Variants in TPMT observed in about 807,000 individuals in gnomAD.
TPMT encodes thiopurine S-methyltransferase.
A neutral mutation model predicts 34.2 loss-of-function variants in TPMT; 18 were observed. That is an observed-to-expected ratio of 0.53 (90% CI 0.36 to 0.78). TPMT has a LOEUF of 0.78. TPMT is among the 30% of genes least tolerant of loss of function. The probability of loss-of-function intolerance (pLI) is 0.00; values close to 1 mark genes in which losing one functional copy is unlikely to be tolerated. For synonymous variants in TPMT, 69 were observed against 92.4 expected (o/e 0.75, Z 1.45); for missense variants, 265 against 288.1 (o/e 0.92, Z 0.58).
rs932737681 is a variant in TPMT at position 18,140,933 on chromosome 6, G to C, written c.367-1216C>G. ...ATTCTGAAATGAGGTCCCCACACAG[G>C]TTTACAAGTAGAGGAGGAAGGGTCT... is the stretch of plus-strand genomic sequence containing the variant. On this transcript the variant is annotated intron_variant, in intron 4 of 8. Transcript: ENST00000309983. The surrounding 1 kb of genome is among the most constrained non-coding windows in gnomAD (Gnocchi z 4.7). 6.6e-6 allele frequency among the ~76,000 whole-genome samples: 1 copy of C among 152,090 alleles called. No homozygotes were observed. Among genetic ancestry groups the C allele is most frequent in the Non-Finnish European group, 1.5e-5 (1 of 68,030 alleles).
chr6:18,139,107 A>G lies in TPMT; in HGVS notation c.420-70T>C. The G allele has an allele frequency of 1.5e-6, 2 of 1,299,506 alleles. No homozygotes were observed. Among genetic ancestry groups the G allele is most frequent in the South Asian group, 2.4e-5 (2 of 84,960 alleles). The allele number at this position is 1,299,506 out of a possible 1,614,324, so 80.5% of individuals were successfully genotyped here. ...TTTAAGAAGATGAGCAGCGTCCCCC[A>G]TGGTGCATGCTGGTACTTCAACAAT... On this transcript the variant is annotated intron_variant, in intron 5 of 8. Transcript: ENST00000309983. The surrounding 1 kb of genome is among the most constrained non-coding windows in gnomAD (Gnocchi z 4.2).
chr6:18,129,715 AAACTT>A lies in TPMT; in HGVS notation c.*948_*952del, dbSNP rs1343275084. 1.3e-5 allele frequency: 2 copies of A among 152,234 alleles called. No individual in the cohort carries two copies. Among genetic ancestry groups the A allele is most frequent in the African/African-American group, 2.4e-5 (1 of 41,458 alleles). 9.4% of individuals were successfully genotyped at this position (152,234 alleles called of 1,614,324 possible). A position where few individuals can be genotyped will look rare whatever the true frequency, so the allele number is the denominator to read the frequency against. ...AAACAACAATTGCCAAACTCAGAGAAAACTTAAAGAAAAATTTATTCTTAGAATTT... is the reference window on the plus strand; with the variant it reads ...AAACAACAATTGCCAAACTCAGAGAAAAAGAAAAATTTATTCTTAGAATTT... On this transcript the variant is annotated 3_prime_UTR_variant, in exon 9 of 9. Coordinates refer to ENST00000309983, the MANE Select transcript of TPMT (RefSeq NM_000367.5).
In TPMT at chr6:18,143,786, T is replaced by C. The variant is rs1287898329; in HGVS notation, c.234-58A>G. 4.4e-6 allele frequency: 7 copies of C among 1,596,844 alleles called. No individual in the cohort carries two copies. Among genetic ancestry groups the C allele is most frequent in the Admixed American group, 1.7e-5 (1 of 59,262 alleles). ...TGTTTTCAAATGACTAAATAGAGGGTTATATTAGAGTAAGCATATATTTTC... is the reference window on the plus strand; with the variant it reads ...TGTTTTCAAATGACTAAATAGAGGGCTATATTAGAGTAAGCATATATTTTC... On this transcript the variant is annotated intron_variant, in intron 3 of 8. Coordinates refer to ENST00000309983, the MANE Select transcript of TPMT (RefSeq NM_000367.5). The surrounding 1 kb of genome is among the most constrained non-coding windows in gnomAD (Gnocchi z 6.1).
At position 18,148,043 on chromosome 6, in the gene TPMT, T is replaced by G. The variant is rs896469914; in HGVS notation, c.141-128A>C. On this transcript the variant is annotated intron_variant, in intron 2 of 8. Transcript: ENST00000309983. This position sits in a 1 kb window ranked among gnomAD's most constrained non-coding sequence, Gnocchi z 4.1. ...ACTATTAATTATTATAATCTCCAGC[T>G]TACATATGAAGAAACAGGTAACTTG... 2.7e-6 allele frequency: 2 copies of G among 744,314 alleles called. No individual in the cohort carries two copies. Among genetic ancestry groups the G allele is most frequent in the African/African-American group, 3.6e-5 (2 of 56,260 alleles). 46.1% of individuals were successfully genotyped at this position (744,314 alleles called of 1,614,324 possible).
intron 1 of TPMT, among the ~76,000 whole-genome samples, chr6:18,151,440 C>T (rs1470089981): frequency 6.6e-6 from 1 of 151,262 alleles, no homozygotes; most frequent in Non-Finnish European, 1.5e-5. Flanking sequence ...TGCACTCCAG[C>T]CTGGGCTACA....
rs1414423860 is a variant in TPMT, at chr6:18,132,277, G to C, written c.581-100C>G. The C allele has an allele frequency of 5.2e-6, 6 of 1,144,996 alleles. No homozygotes were observed. The highest frequency in any genetic ancestry group is 1.5e-5 in the African/African-American group (1 of 65,172). 70.9% of individuals were successfully genotyped at this position (1,144,996 alleles called of 1,614,324 possible). A position where few individuals can be genotyped will look rare whatever the true frequency, so the allele number is the denominator to read the frequency against. On this transcript the variant is annotated intron_variant, in intron 7 of 8. Transcript: ENST00000309983. This position sits in a 1 kb window ranked among gnomAD's most constrained non-coding sequence, Gnocchi z 4.8. ...ATCCAAATAGGTGATGATGTGGCAT[G>C]TTCTTCTCATTCTTCTTTTGCAAAT...
In TPMT at chr6:18,139,187, C is replaced by A; in HGVS notation, c.420-150G>T. The A allele has an allele frequency of 1.3e-6, 1 of 766,072 alleles. No homozygotes were observed. 47.5% of individuals were successfully genotyped at this position (766,072 alleles called of 1,614,324 possible). A position where few individuals can be genotyped will look rare whatever the true frequency, so the allele number is the denominator to read the frequency against. On this transcript the variant is annotated intron_variant, in intron 5 of 8. Coordinates refer to ENST00000309983, the MANE Select transcript of TPMT (RefSeq NM_000367.5). This position sits in a 1 kb window ranked among gnomAD's most constrained non-coding sequence, Gnocchi z 4.2. ...TTTCCTCCTAGAGGAATGTGTGGAC[C>A]TGGGTGTGGAGAGCTGTCCATCCCC... is the stretch of plus-strand genomic sequence containing the variant.
chr6:18,152,591 CT>C (rs572086653), intron 1 of TPMT, among the ~76,000 whole-genome samples: 305 of 128,630 alleles, frequency 2.4e-3, no homozygotes, highest in Admixed American at 2.7e-3. Context: ...TTCTTTCTTT[CT>C]TTTTTTTTTT....
rs1235431245 is a variant in TPMT at position 18,143,712 on chromosome 6, G to C, written c.250C>G (p.His84Asp). Residue 84 changes from histidine (H) to aspartate (D), a missense_variant, in exon 4 of 9, where the codon CAC (histidine) becomes GAC (aspartate). Transcript: ENST00000309983. This position sits in a 1 kb window ranked among gnomAD's most constrained non-coding sequence, Gnocchi z 6.1. Reference protein sequence around the residue: ...VEMKWFADRGHSVVGVEISEL... With the variant: ...VEMKWFADRGDSVVGVEISEL... The stretch of plus-strand genomic sequence containing the variant: ...CTGATTTCCACACCAACTACACTGT[G>C]TCCCCGGTCTGCAAACCTGCATAAA... 6.2e-7 allele frequency: 1 copy of C among 1,613,990 alleles called. No homozygotes were observed. Among genetic ancestry groups the C allele is most frequent in the Admixed American group, 1.7e-5 (1 of 60,002 alleles).
rs1189160730 is a variant in TPMT, at chr6:18,153,554, G to A, written c.-45+1479C>T. On this transcript the variant is annotated intron_variant, in intron 1 of 8. Coordinates refer to ENST00000309983, the MANE Select transcript of TPMT (RefSeq NM_000367.5). The surrounding 1 kb of genome is among the most constrained non-coding windows in gnomAD (Gnocchi z 4.2). ...TTGTTGCCAAATTTGGCCTCAGTAT[G>A]CTTAGGATATAGGGAGGAGGCATTT... 6.6e-6 allele frequency among the ~76,000 whole-genome samples: 1 copy of A among 152,170 alleles called. No individual in the cohort carries two copies. Among genetic ancestry groups the A allele is most frequent in the Non-Finnish European group, 1.5e-5 (1 of 68,036 alleles).
intron 3 of TPMT, among the ~76,000 whole-genome samples, chr6:18,144,889 T>A (rs984917445): frequency 1.3e-5 from 2 of 150,766 alleles, no homozygotes; most frequent in East Asian, 3.9e-4. Flanking sequence ...CCCGGCTAAT[T>A]TTTGTATTTT....
rs1395009204 is a variant in TPMT, at chr6:18,135,012, CT to C, written c.495-1124del. On this transcript the variant is annotated intron_variant, in intron 6 of 8. Transcript: ENST00000309983. This position sits in a 1 kb window ranked among gnomAD's most constrained non-coding sequence, Gnocchi z 5.0. ...CAGAAGTTGGGGAGGCAAGTGCAGA[CT>C]CTATGAGATGCCCAGGCTCAAACCC... 6.6e-6 allele frequency among the ~76,000 whole-genome samples: 1 copy of C among 152,154 alleles called. No individual in the cohort carries two copies. The highest frequency in any genetic ancestry group is 2.1e-4 in the South Asian group (1 of 4,826).
Position 18,129,729 on chromosome 6 carries a change from A to C in TPMT, c.*939T>G, listed in dbSNP as rs1265283210. 1 of 152,188 alleles carries C rather than the reference A, an allele frequency of 6.6e-6. No homozygotes were observed. The highest frequency in any genetic ancestry group is 2.4e-5 in the African/African-American group (1 of 41,438). 9.4% of individuals were successfully genotyped at this position (152,188 alleles called of 1,614,324 possible). A position where few individuals can be genotyped will look rare whatever the true frequency, so the allele number is the denominator to read the frequency against. On this transcript the variant is annotated 3_prime_UTR_variant, in exon 9 of 9. Transcript: ENST00000309983. The stretch of plus-strand genomic sequence containing the variant: ...AAACTCAGAGAAAACTTAAAGAAAA[A>C]TTTATTCTTAGAATTTGGGAATGTT...
In TPMT at chr6:18,143,477, G is replaced by A. The variant is rs997927208; in HGVS notation, c.366+119C>T. 9.1e-6 allele frequency: 12 copies of A among 1,321,912 alleles called. No homozygotes were observed. In the Admixed American group the frequency reaches 1.2e-4, roughly 14 times the overall value. 81.9% of individuals were successfully genotyped at this position (1,321,912 alleles called of 1,614,324 possible). A position where few individuals can be genotyped will look rare whatever the true frequency, so the allele number is the denominator to read the frequency against. On this transcript the variant is annotated intron_variant, in intron 4 of 8. Coordinates refer to ENST00000309983, the MANE Select transcript of TPMT (RefSeq NM_000367.5). The surrounding 1 kb of genome is among the most constrained non-coding windows in gnomAD (Gnocchi z 6.1). ...CTTCTTATACTATATAGTATCTACA[G>A]TGAATCTGCGTGCTAAATAGGAACC... is the stretch of plus-strand genomic sequence containing the variant.
Position 18,129,851 on chromosome 6 carries a change from G to A in TPMT, c.*817C>T, listed in dbSNP as rs746735006. The A allele has an allele frequency of 1.3e-5, 2 of 152,158 alleles. No homozygotes were observed. Among genetic ancestry groups the A allele is most frequent in the Admixed American group, 6.5e-5 (1 of 15,276 alleles). 9.4% of individuals were successfully genotyped at this position (152,158 alleles called of 1,614,324 possible). On this transcript the variant is annotated 3_prime_UTR_variant, in exon 9 of 9. Transcript: ENST00000309983. ...TGTTTCTTGATTCTGTTATATACATGGAGAAACCATGTGAAAAGGGATGCT... is the reference window on the plus strand; with the variant it reads ...TGTTTCTTGATTCTGTTATATACATAGAGAAACCATGTGAAAAGGGATGCT...
intron 6 of TPMT, 28 bp from the exon 7 acceptor site, chr6:18,133,917 T>TA (rs1436668482): frequency 3.2e-6 from 5 of 1,579,034 alleles, no homozygotes; most frequent in Non-Finnish European, 4.4e-6. Context: ...AGGTATTTGT[T>TA]ACATTTCTCT....
At position 18,139,742 on chromosome 6, in the gene TPMT, A is replaced by G; in HGVS notation, c.367-25T>C. The G allele has an allele frequency of 1.6e-6, 1 of 636,844 alleles. No homozygotes were observed. The highest frequency in any genetic ancestry group is 2.3e-6 in the Non-Finnish European group (1 of 431,160). 39.4% of individuals were successfully genotyped at this position (636,844 alleles called of 1,614,324 possible). A position where few individuals can be genotyped will look rare whatever the true frequency, so the allele number is the denominator to read the frequency against. On this transcript the variant is annotated intron_variant, in intron 4 of 8. Coordinates refer to ENST00000309983, the MANE Select transcript of TPMT (RefSeq NM_000367.5). This position sits in a 1 kb window ranked among gnomAD's most constrained non-coding sequence, Gnocchi z 4.2. ...TCTGTAATGAAATAATGAAAAAAAA[A>G]TTTTTTTTTTTTACTTAGTAAGTAC... is the stretch of plus-strand genomic sequence containing the variant.
rs973512864 is a variant in TPMT at position 18,129,702 on chromosome 6, C to A, written c.*966G>T. ...ATTAAATTATAAAAAACAACAATTG[C>A]CAAACTCAGAGAAAACTTAAAGAAA... On this transcript the variant is annotated 3_prime_UTR_variant, in exon 9 of 9. Coordinates refer to ENST00000309983, the MANE Select transcript of TPMT (RefSeq NM_000367.5). 1.3e-5 allele frequency: 2 copies of A among 152,058 alleles called. No individual in the cohort carries two copies. The highest frequency in any genetic ancestry group is 4.8e-5 in the African/African-American group (2 of 41,404). 9.4% of individuals were successfully genotyped at this position (152,058 alleles called of 1,614,324 possible).
intron 4 of TPMT, among the ~76,000 whole-genome samples, chr6:18,142,450 G>A (rs972473498): frequency 2.6e-5 from 4 of 151,978 alleles, no homozygotes; most frequent in Non-Finnish European, 4.4e-5. Context: ...AGGATGCCCC[G>A]TTCCTAGTTG....
Sources: allele counts gnomAD v4.1 joint callset (sites outside exome capture counted in the v4.1 genomes callset), GRCh38; gene constraint gnomAD v4.1.1; non-coding constraint Gnocchi (gnomAD v3.1); transcripts MANE v1.5; gene names NCBI Gene and HGNC (gene_info 2026-07-23, HGNC 2026-07-21).